The following FHIP1A variants were observed in gnomAD, a reference collection of about 807,000 sequenced individuals.
The protein encoded by FHIP1A is FHF complex subunit HOOK-interacting protein 1A.
Under a neutral mutation model 88.6 loss-of-function variants are expected in FHIP1A, and 61 were observed. The observed-to-expected ratio is 0.69, with a 90% CI of 0.56 to 0.85. The LOEUF (loss-of-function observed/expected upper bound fraction) is 0.85. FHIP1A is among the 40% of genes least tolerant of loss of function. The probability of loss-of-function intolerance (pLI) is 0.00; values close to 1 mark genes in which losing one functional copy is unlikely to be tolerated. For synonymous variants in FHIP1A, 478 were observed against 496.0 expected (o/e 0.96, Z 0.48); for missense variants, 1,154 against 1,273.5 (o/e 0.91, Z 1.43).
intron 6 of FHIP1A, among the ~76,000 whole-genome samples, 192 bp downstream of exon 6, chr4:151,586,991 A>AG (rs995978477): frequency 6.6e-6 from 1 of 152,216 alleles, no homozygotes; most frequent in East Asian, 1.9e-4. Context: ...GTTTTAACTG[A>AG]GAAAAAAAAT....
At chr4:151,427,849 G>A (rs1264027244) in intron 1 of FHIP1A, among the ~76,000 whole-genome samples, 3 of 152,088 alleles carry the variant, frequency 2.0e-5, no homozygotes, top group African/African-American at 7.2e-5. Flanking sequence ...ATTGGCGAAG[G>A]AATAGATCTA....
chr4:151,651,029 A>G, intron 11 of FHIP1A, among the ~76,000 whole-genome samples: 1 of 152,234 alleles, frequency 6.6e-6, no homozygotes, highest in Non-Finnish European at 1.5e-5. Flanking sequence ...GCACTGGAAG[A>G]GTGAACAGAG....
intron 3 of FHIP1A, among the ~76,000 whole-genome samples, chr4:151,546,459 G>A (rs747735851): frequency 2.6e-5 from 4 of 152,132 alleles, no homozygotes; most frequent in Admixed American, 6.5e-5. Flanking sequence ...ATACTCTCTC[G>A]TCTATCTATC....
Position 151,577,498 on chromosome 4 carries a change from A to C in FHIP1A, c.154A>C (p.Lys52Gln), listed in dbSNP as rs1031769070. The C allele has an allele frequency of 6.5e-7, 1 of 1,549,174 alleles. No homozygotes were observed. Residue 52 changes from lysine to glutamine, a missense_variant, in exon 5 of 14, where the codon AAA (lysine) becomes CAA (glutamine). By Grantham distance (53) the Lys-to-Gln change is moderately conservative (BLOSUM62 1). Transcript: ENST00000435205. ...CGACCCCTTGAAGAACACCCAGGCAAAATATGGGTCTATCCCTCCAGATGA... is the reference window on the plus strand; with the variant it reads ...CGACCCCTTGAAGAACACCCAGGCACAATATGGGTCTATCCCTCCAGATGA... Reference protein sequence around the residue: ...KHDPLKNTQAKYGSIPPDEAS... With the variant: ...KHDPLKNTQAQYGSIPPDEAS...
In FHIP1A at chr4:151,664,651, A is replaced by G. The variant is rs1737597389; in HGVS notation, c.*1897A>G. Among the ~76,000 whole-genome samples the G allele has an allele frequency of 6.6e-6, 1 of 152,244 alleles. No individual in the cohort carries two copies. The highest frequency in any genetic ancestry group is 1.9e-4 in the East Asian group (1 of 5,202). ...ACAACTCTCCATTAGAAAAGAAGGT[A>G]GCTTAAGATAGAGAAAGAGGAACAG... On this transcript the variant is annotated 3_prime_UTR_variant, in exon 14 of 14. Coordinates refer to ENST00000435205, the MANE Select transcript of FHIP1A (RefSeq NM_001109977.3).
chr4:151,456,054 A>T (rs1319519038), intron 2 of FHIP1A, among the ~76,000 whole-genome samples: 5 of 152,208 alleles, frequency 3.3e-5, no homozygotes, highest in Non-Finnish European at 7.3e-5. Context: ...ATACCTTCTT[A>T]ACATACATCA....
intron 7 of FHIP1A, among the ~76,000 whole-genome samples, chr4:151,620,598 G>A (rs1038095191): frequency 2.0e-5 from 3 of 151,978 alleles, no homozygotes; most frequent in African/African-American, 7.3e-5. Context: ...ATCACAAATA[G>A]GCACAGAGTA....
chr4:151,599,521 A>T (rs1031928795), intron 7 of FHIP1A, among the ~76,000 whole-genome samples: 1 of 152,204 alleles, frequency 6.6e-6, no homozygotes, highest in African/African-American at 2.4e-5. Context: ...GTGATGACAG[A>T]GGCAGAGAAG....
intron 2 of FHIP1A, among the ~76,000 whole-genome samples, chr4:151,469,102 C>G (rs1188701040): frequency 6.6e-6 from 1 of 152,152 alleles, no homozygotes; most frequent in African/African-American, 2.4e-5. Context: ...TTACCCTCTT[C>G]CCTCAAAAAA....
At chr4:151,437,410 A>G (rs1728244190) in intron 1 of FHIP1A, among the ~76,000 whole-genome samples, 1 of 152,126 alleles carries the variant, frequency 6.6e-6, no homozygotes, top group South Asian at 2.1e-4. Flanking sequence ...ATATCTAAAT[A>G]TATTGCTTTG....
intron 4 of FHIP1A, among the ~76,000 whole-genome samples, chr4:151,574,251 C>T (rs958068886): frequency 1.3e-5 from 2 of 152,220 alleles, no homozygotes; most frequent in African/African-American, 4.8e-5. Flanking sequence ...GCTGGGTCTT[C>T]AATGTGTCTG....
intron 1 of FHIP1A, among the ~76,000 whole-genome samples, chr4:151,450,642 G>A (rs1043429994): frequency 6.6e-6 from 1 of 152,132 alleles, no homozygotes; most frequent in African/African-American, 2.4e-5. Flanking sequence ...AGGCCAATTT[G>A]CTCTCCAAAA....
chr4:151,604,225 T>G (rs779359302), intron 7 of FHIP1A, among the ~76,000 whole-genome samples: 1 of 152,022 alleles, frequency 6.6e-6, no homozygotes, highest in Non-Finnish European at 1.5e-5. Context: ...GGTTCTAGTC[T>G]TCTCTGTTCC....
At chr4:151,641,898 G>A (rs1736600637) in intron 9 of FHIP1A, among the ~76,000 whole-genome samples, 1 of 152,222 alleles carries the variant, frequency 6.6e-6, no homozygotes, top group Non-Finnish European at 1.5e-5. Context: ...CTGAGAGGCA[G>A]TAGAGCTGTG....
At chr4:151,614,938 C>T (rs1397928124) in intron 7 of FHIP1A, among the ~76,000 whole-genome samples, 1 of 152,078 alleles carries the variant, frequency 6.6e-6, no homozygotes, top group East Asian at 1.9e-4. Flanking sequence ...TGAATTTCAC[C>T]TCTTTCTGTG....
At chr4:151,628,422 T>C (rs935251452) in intron 7 of FHIP1A, among the ~76,000 whole-genome samples, 4 of 151,878 alleles carry the variant, frequency 2.6e-5, no homozygotes, top group African/African-American at 9.7e-5. Context: ...CACAGATGCA[T>C]CCACTCAGGG....
At chr4:151,531,614 T>C (rs1431884505) in intron 3 of FHIP1A, among the ~76,000 whole-genome samples, 1 of 151,830 alleles carries the variant, frequency 6.6e-6, no homozygotes, top group East Asian at 1.9e-4. Flanking sequence ...ATAATGTAAA[T>C]GAAAAAGATG....
chr4:151,567,081 T>G (rs1357469074), intron 4 of FHIP1A, among the ~76,000 whole-genome samples: 2 of 152,208 alleles, frequency 1.3e-5, no homozygotes, highest in Non-Finnish European at 2.9e-5. Flanking sequence ...TTTTTTTTGA[T>G]TATTTACTTT....
intron 1 of FHIP1A, among the ~76,000 whole-genome samples, chr4:151,410,620 C>T (rs1228410569): frequency 6.6e-6 from 1 of 152,180 alleles, no homozygotes; most frequent in African/African-American, 2.4e-5. Flanking sequence ...CTCAAGTTCA[C>T]TTGTACACCT....
Sources: gnomAD v4.1 joint callset for allele counts (sites outside exome capture counted in the v4.1 genomes callset) on GRCh38, gnomAD v4.1.1 for gene constraint, MANE v1.5 for transcripts, NCBI Gene and HGNC (gene_info 2026-07-23, HGNC 2026-07-21) for gene names.